The following RNF13 variants were observed in gnomAD, a reference collection of about 807,000 sequenced individuals.
The protein encoded by RNF13 is E3 ubiquitin-protein ligase RNF13.
A neutral mutation model predicts 37.7 loss-of-function variants in RNF13; 19 were observed. The ratio of observed to expected loss-of-function variants is 0.50; its 90% CI spans 0.35 to 0.74. RNF13 has a LOEUF of 0.74. RNF13 is among the 30% of genes least tolerant of loss of function. The pLI, the probability that RNF13 is intolerant of heterozygous loss-of-function variation, is 0.01. For missense variants in RNF13, 375 were observed against 453.0 expected (o/e 0.83, Z 1.56); for synonymous variants, 144 against 157.8 (o/e 0.91, Z 0.65).
At chr3:149,827,092 G>A (rs746958802) in intron 1 of RNF13, among the ~76,000 whole-genome samples, 3 of 151,886 alleles carry the variant, frequency 2.0e-5, no homozygotes, top group Non-Finnish European at 2.9e-5. Context: ...ACGTACAGTT[G>A]GCCCTCTGTA....
rs1422156544 is a variant in RNF13, at chr3:149,961,776, C to G, written c.*672C>G. 2 of 156,434 alleles carry G rather than the reference C, an allele frequency of 1.3e-5. No homozygotes were observed. Among genetic ancestry groups the G allele is most frequent in the African/African-American group, 4.8e-5 (2 of 41,410 alleles). The allele number at this position is 156,434 out of a possible 1,614,324, so 9.7% of individuals were successfully genotyped here. A position where few individuals can be genotyped will look rare whatever the true frequency, so the allele number is the denominator to read the frequency against. Reference sequence around the variant, plus strand: ...ACTTTACTTACTAATTTTCAGTGTCCTTAAGGGTTCTGTAGTGTTATCAAA... The same window carrying G: ...ACTTTACTTACTAATTTTCAGTGTCGTTAAGGGTTCTGTAGTGTTATCAAA... On this transcript the variant is annotated 3_prime_UTR_variant, in exon 10 of 10. Transcript: ENST00000392894.
chr3:149,882,816 T>A (rs2108465111), intron 4 of RNF13, among the ~76,000 whole-genome samples: 1 of 152,286 alleles, frequency 6.6e-6, no homozygotes, highest in East Asian at 1.9e-4. Context: ...GAAGCTGGCC[T>A]GATTAAAATG....
chr3:149,908,304 G>T (rs1716637963), intron 6 of RNF13, among the ~76,000 whole-genome samples: 1 of 152,046 alleles, frequency 6.6e-6, no homozygotes, highest in Non-Finnish European at 1.5e-5. Flanking sequence ...CTTTGGGAGG[G>T]TATTTAATCT....
chr3:149,941,265 G>A (rs1205646802), intron 8 of RNF13, among the ~76,000 whole-genome samples: 1 of 152,056 alleles, frequency 6.6e-6, no homozygotes, highest in East Asian at 1.9e-4. Context: ...AATTTTAGGA[G>A]TATCTCCTTA....
At chr3:149,823,023 G>C (rs1720143145) in intron 1 of RNF13, among the ~76,000 whole-genome samples, 1 of 152,138 alleles carries the variant, frequency 6.6e-6, no homozygotes, top group Non-Finnish European at 1.5e-5. Flanking sequence ...TTAAAGAAAT[G>C]CAAATTTATG....
At chr3:149,936,364 C>CT (rs765896346) in intron 8 of RNF13, among the ~76,000 whole-genome samples, 5 of 152,020 alleles carry the variant, frequency 3.3e-5, no homozygotes, top group Non-Finnish European at 7.4e-5. Context: ...AGGCCAATGA[C>CT]TCTTAAATTT....
At chr3:149,834,840 A>G (rs1319542837) in intron 1 of RNF13, among the ~76,000 whole-genome samples, 1 of 152,218 alleles carries the variant, frequency 6.6e-6, no homozygotes, top group African/African-American at 2.4e-5. Context: ...TTTTCTTTAT[A>G]AATTACCCAG....
intron 3 of RNF13, among the ~76,000 whole-genome samples, chr3:149,871,231 G>A (rs1482438019): frequency 3.3e-5 from 5 of 151,198 alleles, no homozygotes; most frequent in Non-Finnish European, 7.4e-5. Flanking sequence ...TAGTAGAGAT[G>A]GGGTTTTGCC....
chr3:149,958,637 T>C (rs999899603), intron 8 of RNF13, among the ~76,000 whole-genome samples: 1 of 152,244 alleles, frequency 6.6e-6, no homozygotes, highest in South Asian at 2.1e-4. Flanking sequence ...GACTCAAAGG[T>C]TGATTTGTAT....
intron 1 of RNF13, among the ~76,000 whole-genome samples, chr3:149,841,386 A>G (rs1722162653): frequency 6.6e-6 from 1 of 151,928 alleles, no homozygotes; most frequent in African/African-American, 2.4e-5. Context: ...TTTCACAGAA[A>G]CTTTGTGTAG....
Position 149,869,584 on chromosome 3 carries a change from C to T in RNF13, c.196-2445C>T, listed in dbSNP as rs953129482. On this transcript the variant is annotated intron_variant, in intron 3 of 9. Transcript: ENST00000392894. The stretch of plus-strand genomic sequence containing the variant: ...TCCCGCCACTGCACTCCAGCCTGGG[C>T]GACAGAGCGAGACTCCGCCTCAGAA... Among the ~76,000 whole-genome samples, 14 of 151,148 alleles carry T rather than the reference C, an allele frequency of 9.3e-5. 1 individual carries two copies. In the South Asian group the frequency reaches 1.7e-3, roughly 18 times the overall value.
At chr3:149,901,624 T>C (rs1353477233) in intron 5 of RNF13, among the ~76,000 whole-genome samples, 1 of 152,194 alleles carries the variant, frequency 6.6e-6, no homozygotes, top group African/African-American at 2.4e-5. Context: ...TTTTAGATTG[T>C]TGTGAAGTTG....
intron 8 of RNF13, among the ~76,000 whole-genome samples, chr3:149,931,350 A>G (rs1156771562): frequency 6.6e-6 from 1 of 152,186 alleles, no homozygotes; most frequent in African/African-American, 2.4e-5. Context: ...GGCATGAGCC[A>G]CCACACCCAG....
At chr3:149,947,438 T>C (rs1720875492) in intron 8 of RNF13, among the ~76,000 whole-genome samples, 1 of 151,782 alleles carries the variant, frequency 6.6e-6, no homozygotes, top group South Asian at 2.1e-4. Context: ...GGAGTTTCGC[T>C]CTTTTGCCCA....
At chr3:149,815,223 C>T (rs1719310580) in intron 1 of RNF13, among the ~76,000 whole-genome samples, 1 of 152,000 alleles carries the variant, frequency 6.6e-6, no homozygotes, top group South Asian at 2.1e-4. Context: ...TGAGGGTAGG[C>T]CTGAGGGTAT....
In RNF13 at chr3:149,825,364, A is replaced by G. The variant is rs144012399; in HGVS notation, c.-17+12011A>G. On this transcript the variant is annotated intron_variant, in intron 1 of 9. Transcript: ENST00000392894. ...TTTTTAGTAGAGACAGGGTTTCACC[A>G]TGTTGTCCAGGCTGGTCTCAAACTC... Among the ~76,000 whole-genome samples the G allele has an allele frequency of 2.5e-3, 381 of 152,206 alleles. 3 individuals carry two copies. The highest frequency in any genetic ancestry group is 6.8e-3 in the Middle Eastern group (2 of 294).
chr3:149,921,010 T>G (rs1409669336), intron 7 of RNF13, 124 bp from the exon 8 acceptor site: 2 of 357,062 alleles, frequency 5.6e-6, no homozygotes, highest in Non-Finnish European at 1.0e-5. Flanking sequence ...GCAATTAGAA[T>G]TTAAATGAAT....
intron 4 of RNF13, among the ~76,000 whole-genome samples, chr3:149,887,149 CAG>C (rs1442019256): frequency 1.3e-5 from 2 of 152,176 alleles, no homozygotes; most frequent in African/African-American, 4.8e-5. Flanking sequence ...CCACGCAATG[CAG>C]AGTCTGTGCA....
At chr3:149,955,148 G>A (rs1721736507) in intron 8 of RNF13, among the ~76,000 whole-genome samples, 1 of 152,008 alleles carries the variant, frequency 6.6e-6, no homozygotes, top group Admixed American at 6.6e-5. Flanking sequence ...TAATCATTGA[G>A]ATTTTTGAAG....
Sources: allele counts gnomAD v4.1 joint callset (sites outside exome capture counted in the v4.1 genomes callset), GRCh38; gene constraint gnomAD v4.1.1; transcripts MANE v1.5; gene names NCBI Gene and HGNC (gene_info 2026-07-23, HGNC 2026-07-21).